POU4F3: variants seen among roughly 807,000 people sequenced by gnomAD.
POU4F3 encodes the protein POU class 4 homeobox 3, also known as POU domain, class 4, transcription factor 3.
In POU4F3, 7 loss-of-function variants were observed where a neutral mutation model predicts 22.0. The ratio of observed to expected loss-of-function variants is 0.32; its 90% confidence interval spans 0.18 to 0.60. The LOEUF (loss-of-function observed/expected upper bound fraction) is 0.60. Among genes scored for constraint, POU4F3 ranks in the 20% least tolerant of loss-of-function variants. The pLI is 0.85. For synonymous variants in POU4F3, 220 were observed against 194.5 expected, an observed-to-expected ratio of 1.13 and a Z score of -1.09; for missense variants, 457 against 467.4, an observed-to-expected ratio of 0.98 and a Z score of 0.21.
Position 146,339,967 on chromosome 5 carries a change from G to T in POU4F3, c.540G>T (p.Val180=). The change falls in exon 2 of 2, where the codon GTG becomes GTT. Residue 180 remains valine (V), a synonymous_variant. Coordinates refer to ENST00000646991, the MANE Select transcript of POU4F3 (RefSeq NM_002700.3). This position sits in a 1 kb window ranked among gnomAD's most constrained non-coding sequence, Gnocchi z 4.7. ...CCATGCCTGCATGCCTCAGCGACGTGGAGTCAGACCCGCGCGAGCTGGAAG... is the reference window on the plus strand; with the variant it reads ...CCATGCCTGCATGCCTCAGCGACGTTGAGTCAGACCCGCGCGAGCTGGAAG... ...HSAMPACLSD[V]ESDPRELEAF... is the part of the protein sequence containing the mutation. The T allele has an allele frequency of 6.2e-7, 1 of 1,612,170 alleles. No individual in the cohort carries two copies.
In POU4F3 at chr5:146,339,810, G is replaced by C. The variant is rs774771877; in HGVS notation, c.383G>C (p.Ser128Thr). 10 of 1,610,516 alleles carry C rather than the reference G, an allele frequency of 6.2e-6. No individual in the cohort carries two copies. Among genetic ancestry groups the C allele is most frequent in the Non-Finnish European group, 8.5e-6 (10 of 1,179,906 alleles). ...DLLEHISPTL[S>T]VSGLGAPEHS... ...CTGGAGCACATCTCGCCCACGCTGA[G>C]TGTGAGCGGCCTGGGCGCTCCGGAA... The change falls in exon 2 of 2, where the codon AGT (serine) becomes ACT (threonine). Residue 128 changes from serine (S) to threonine (T), a missense_variant. This residue lies in a region of POU4F3 where 410 missense variants were observed against 385.0 expected (regional missense o/e 1.06). Coordinates refer to ENST00000646991, the MANE Select transcript of POU4F3 (RefSeq NM_002700.3). This position sits in a 1 kb window ranked among gnomAD's most constrained non-coding sequence, Gnocchi z 4.7.
Position 146,339,386 on chromosome 5 carries a change from A to G in POU4F3, c.120+154A>G. 4 of 1,485,290 alleles carry G rather than the reference A, an allele frequency of 2.7e-6. No individual in the cohort carries two copies. The highest frequency in any genetic ancestry group is 3.7e-6 in the Non-Finnish European group (4 of 1,077,834). The allele number at this position is 1,485,290 out of a possible 1,614,324, so 92.0% of individuals were successfully genotyped here. A position where few individuals can be genotyped will look rare whatever the true frequency, so the allele number is the denominator to read the frequency against. On this transcript the variant is annotated intron_variant, in intron 1 of 1. Transcript: ENST00000646991. This position sits in a 1 kb window ranked among gnomAD's most constrained non-coding sequence, Gnocchi z 4.7. ...TCCCGGCGCGCTCTCTCTCTCATTC[A>G]TGTCTCTGATCCACACGTCTGTTCC...
In POU4F3 at chr5:146,340,307, G is replaced by T. The variant is rs780118840; in HGVS notation, c.880G>T (p.Ala294Ser). The stretch of plus-strand genomic sequence containing the variant: ...GAAGCGTTCACTCGAGGCCTATTTC[G>T]CTATCCAGCCACGTCCTTCATCTGA... ...PEKRSLEAYF[A>S]IQPRPSSEKI... Residue 294 changes from alanine (A) to serine (S), a missense_variant, in exon 2 of 2, where the codon GCT becomes TCT. Around this residue, in one of 2 missense-constraint regions of POU4F3, gnomAD observed 47 missense variants for 82.4 expected, o/e 0.57. Transcript: ENST00000646991. 13 of 1,614,210 alleles carry T rather than the reference G, an allele frequency of 8.1e-6. No homozygotes were observed. The South Asian group carries it at 9.9e-5, about 12-fold the overall frequency.
chr5:146,339,940 C>T lies in POU4F3; in HGVS notation c.513C>T (p.Ser171=), dbSNP rs148985828. 22 of 1,610,704 alleles carry T rather than the reference C, an allele frequency of 1.4e-5. No homozygotes were observed. In the South Asian group the frequency reaches 2.1e-4, roughly 15 times the overall value. ...MSHPHTVAPH[S]AMPACLSDVE... ...ACCCGCACACCGTGGCCCCTCATAG[C>T]GCCATGCCTGCATGCCTCAGCGACG... is the stretch of plus-strand genomic sequence containing the variant. The change falls in exon 2 of 2, where the codon AGC becomes AGT. Residue 171 remains serine, a synonymous_variant. Coordinates refer to ENST00000646991, the MANE Select transcript of POU4F3 (RefSeq NM_002700.3). The surrounding 1 kb of genome is among the most constrained non-coding windows in gnomAD (Gnocchi z 4.7).
At position 146,341,263 on chromosome 5, in the gene POU4F3, A is replaced by C. The variant is rs6872734; in HGVS notation, c.*819A>C. The C allele has an allele frequency of 0.29, 44,076 of 152,038 alleles. 7,548 individuals carry two copies. Among genetic ancestry groups the C allele is most frequent in the African/African-American group, 0.48 (19,922 of 41,394 alleles). 9.4% of individuals were successfully genotyped at this position (152,038 alleles called of 1,614,324 possible). On this transcript the variant is annotated 3_prime_UTR_variant, in exon 2 of 2. Coordinates refer to ENST00000646991, the MANE Select transcript of POU4F3 (RefSeq NM_002700.3). ...AGAGCGGGAGTTTGTAGTATTCATA[A>C]CCGTTGAGGACTCTCTGACCCCAGC...
In POU4F3 at chr5:146,339,127, C is replaced by T. The variant is rs775569772; in HGVS notation, c.15C>T (p.Asn5=). The change falls in exon 1 of 2, where the codon AAC becomes AAT. Residue 5 remains asparagine, a synonymous_variant. Transcript: ENST00000646991. This position sits in a 1 kb window ranked among gnomAD's most constrained non-coding sequence, Gnocchi z 4.7. ...GGAGCGCGAAGATGATGGCCATGAA[C>T]TCCAAGCAGCCTTTCGGCATGCACC... is the stretch of plus-strand genomic sequence containing the variant. MMAM[N]SKQPFGMHPV... The T allele has an allele frequency of 3.7e-6, 6 of 1,614,074 alleles. No individual in the cohort carries two copies. The East Asian group carries it at 1.1e-4, about 30-fold the overall frequency.
rs1177858657 is a variant in POU4F3, at chr5:146,341,575, T to G, written c.*1131T>G. The G allele has an allele frequency of 2.6e-5, 4 of 152,232 alleles. No homozygotes were observed. The allele number at this position is 152,232 out of a possible 1,614,324, so 9.4% of individuals were successfully genotyped here. On this transcript the variant is annotated 3_prime_UTR_variant, in exon 2 of 2. Transcript: ENST00000646991. ...TCACCCTGCCCCTCTAGCCCAAATT[T>G]TATTTTATTTTTTCGTTGTTTCATG...
Position 146,339,657 on chromosome 5 carries a change from A to G in POU4F3, c.230A>G (p.Asp77Gly), listed in dbSNP as rs138310635. 7.6e-5 allele frequency: 123 copies of G among 1,614,134 alleles called. No homozygotes were observed. The African/African-American group carries it at 1.5e-3, about 19-fold the overall frequency. ...GGCAAGAACCATCCGTTCAAGCCCG[A>G]CGCCACCTACCATACCATGAGCAGC... is the stretch of plus-strand genomic sequence containing the variant. ...SHGKNHPFKP[D>G]ATYHTMSSVP... Residue 77 changes from aspartate to glycine, a missense_variant, in exon 2 of 2, where the codon GAC (aspartate) becomes GGC (glycine). Asp to Gly is a moderately conservative substitution (Grantham distance 94). Around this residue, in one of 2 missense-constraint regions of POU4F3, gnomAD observed 410 missense variants for 385.0 expected, o/e 1.06. Transcript: ENST00000646991. This position sits in a 1 kb window ranked among gnomAD's most constrained non-coding sequence, Gnocchi z 4.7.
In POU4F3 at chr5:146,341,068, G is replaced by C. The variant is rs1561591055; in HGVS notation, c.*624G>C. 1.3e-5 allele frequency: 2 copies of C among 153,558 alleles called. No homozygotes were observed. The highest frequency in any genetic ancestry group is 4.1e-4 in the South Asian group (2 of 4,876). 9.5% of individuals were successfully genotyped at this position (153,558 alleles called of 1,614,324 possible). Reference sequence around the variant, plus strand: ...TCAGGGAAAGTATGCAGGGAGTTGCGGGCTCCAAGTTGCCATTTTTTCGTG... The same window carrying C: ...TCAGGGAAAGTATGCAGGGAGTTGCCGGCTCCAAGTTGCCATTTTTTCGTG... On this transcript the variant is annotated 3_prime_UTR_variant, in exon 2 of 2. Transcript: ENST00000646991.
chr5:146,339,992 G>A lies in POU4F3; in HGVS notation c.565G>A (p.Ala189Thr). 6.2e-7 allele frequency: 1 copy of A among 1,613,124 alleles called. No individual in the cohort carries two copies. ...GGAGTCAGACCCGCGCGAGCTGGAAGCCTTCGCCGAGCGCTTCAAGCAGCG... is the reference window on the plus strand; with the variant it reads ...GGAGTCAGACCCGCGCGAGCTGGAAACCTTCGCCGAGCGCTTCAAGCAGCG... ...DVESDPRELE[A>T]FAERFKQRRI... is the part of the protein sequence containing the mutation. The change falls in exon 2 of 2, where the codon GCC (alanine) becomes ACC (threonine). Residue 189 changes from alanine to threonine, a missense_variant. Transcript: ENST00000646991. This position sits in a 1 kb window ranked among gnomAD's most constrained non-coding sequence, Gnocchi z 4.7.
In POU4F3 at chr5:146,339,710, G is replaced by T; in HGVS notation, c.283G>T (p.Val95Leu). Residue 95 changes from valine to leucine, a missense_variant, in exon 2 of 2, where the codon GTG (valine) becomes TTG (leucine). By Grantham distance (32) the Val-to-Leu change is conservative (BLOSUM62 1). Transcript: ENST00000646991. The surrounding 1 kb of genome is among the most constrained non-coding windows in gnomAD (Gnocchi z 4.7). ...GCCCTGCACGTCCACTTCGTCCACCGTGCCCATCTCCCACCCAGCTGCGCT... is the reference window on the plus strand; with the variant it reads ...GCCCTGCACGTCCACTTCGTCCACCTTGCCCATCTCCCACCCAGCTGCGCT... ...SVPCTSTSST[V>L]PISHPAALTS... 8.1e-6 allele frequency: 13 copies of T among 1,614,098 alleles called. No individual in the cohort carries two copies. The highest frequency in any genetic ancestry group is 1.1e-5 in the Non-Finnish European group (13 of 1,180,032).
At position 146,340,154 on chromosome 5, in the gene POU4F3, G is replaced by A; in HGVS notation, c.727G>A (p.Ala243Thr). 6.2e-7 allele frequency: 1 copy of A among 1,614,122 alleles called. No homozygotes were observed. Among genetic ancestry groups the A allele is most frequent in the Non-Finnish European group, 8.5e-7 (1 of 1,180,040 alleles). The change falls in exon 2 of 2, where the codon GCT (alanine) becomes ACT (threonine). Residue 243 changes from alanine to threonine, a missense_variant. Ala to Thr is a moderately conservative substitution (Grantham distance 58, BLOSUM62 0). Coordinates refer to ENST00000646991, the MANE Select transcript of POU4F3 (RefSeq NM_002700.3). ...CACTCTCTCGCACAACAACATGATCGCTCTCAAGCCGGTGCTCCAGGCCTG... is the reference window on the plus strand; with the variant it reads ...CACTCTCTCGCACAACAACATGATCACTCTCAAGCCGGTGCTCCAGGCCTG... ...SLTLSHNNMI[A>T]LKPVLQAWLE...
rs1760431346 is a variant in POU4F3, at chr5:146,340,109, A to G, written c.682A>G (p.Ile228Val). 1.5e-5 allele frequency: 25 copies of G among 1,614,174 alleles called. No homozygotes were observed. The highest frequency in any genetic ancestry group is 1.9e-5 in the Non-Finnish European group (23 of 1,180,042). The change falls in exon 2 of 2, where the codon ATC (isoleucine) becomes GTC (valine). Residue 228 changes from isoleucine to valine, a missense_variant. Coordinates refer to ENST00000646991, the MANE Select transcript of POU4F3 (RefSeq NM_002700.3). Reference protein sequence around the residue: ...PGVGSLSQSTICRFESLTLSH... With the variant: ...PGVGSLSQSTVCRFESLTLSH... ...CGTGGGCTCGCTGAGCCAAAGCACC[A>G]TCTGCAGGTTCGAGTCTCTCACTCT...
Position 146,339,342 on chromosome 5 carries a change from T to C in POU4F3, c.120+110T>C. On this transcript the variant is annotated intron_variant, in intron 1 of 1. Coordinates refer to ENST00000646991, the MANE Select transcript of POU4F3 (RefSeq NM_002700.3). This position sits in a 1 kb window ranked among gnomAD's most constrained non-coding sequence, Gnocchi z 4.7. The stretch of plus-strand genomic sequence containing the variant: ...ATCGCCGCTGTCTGAACCCCTCTCC[T>C]TGTCTCCCCCGCGTTCTCTCCCGGC... The C allele has an allele frequency of 6.4e-7, 1 of 1,562,522 alleles. No homozygotes were observed. The highest frequency in any genetic ancestry group is 8.8e-7 in the Non-Finnish European group (1 of 1,139,044).
chr5:146,339,808 G>T lies in POU4F3; in HGVS notation c.381G>T (p.Leu127=). The T allele has an allele frequency of 6.2e-7, 1 of 1,610,702 alleles. No homozygotes were observed. The part of the protein sequence containing the change: ...GDLLEHISPT[L]SVSGLGAPEH... ...TGCTGGAGCACATCTCGCCCACGCT[G>T]AGTGTGAGCGGCCTGGGCGCTCCGG... is the stretch of plus-strand genomic sequence containing the variant. The change falls in exon 2 of 2, where the codon CTG becomes CTT. Residue 127 remains leucine, a synonymous_variant. Transcript: ENST00000646991. The surrounding 1 kb of genome is among the most constrained non-coding windows in gnomAD (Gnocchi z 4.7).
rs1000371396 is a variant in POU4F3 at position 146,340,777 on chromosome 5, C to T, written c.*333C>T. 7.9e-5 allele frequency: 33 copies of T among 419,164 alleles called. No homozygotes were observed. The highest frequency in any genetic ancestry group is 5.4e-4 in the African/African-American group (27 of 49,816). 26.0% of individuals were successfully genotyped at this position (419,164 alleles called of 1,614,324 possible). ...CCCAAAGCAGAGGACAGTCAATTGGCCCAACCGCCCGAAGCTAGGGTGAAA... is the reference window on the plus strand; with the variant it reads ...CCCAAAGCAGAGGACAGTCAATTGGTCCAACCGCCCGAAGCTAGGGTGAAA... On this transcript the variant is annotated 3_prime_UTR_variant, in exon 2 of 2. Transcript: ENST00000646991.
In POU4F3 at chr5:146,340,414, G is replaced by A. The variant is rs543894486; in HGVS notation, c.987G>A (p.Gln329=). 3.7e-6 allele frequency: 6 copies of A among 1,614,264 alleles called. No individual in the cohort carries two copies. In the Admixed American group the frequency reaches 5.0e-5, roughly 13 times the overall value. The change falls in exon 2 of 2, where the codon CAG becomes CAA. Residue 329 remains glutamine, a synonymous_variant. Transcript: ENST00000646991. ...GGTTCTGCAACCAGAGACAGAAACA[G>A]AAACGAATGAAGTATTCGGCTGTCC... ...RVWFCNQRQK[Q]KRMKYSAVH is the part of the protein sequence containing the mutation.
At position 146,339,929 on chromosome 5, in the gene POU4F3, G is replaced by A; in HGVS notation, c.502G>A (p.Ala168Thr). ...AMGMSHPHTVAPHSAMPACLS... is the reference protein window; with the variant it reads ...AMGMSHPHTVTPHSAMPACLS... ...GGGCATGAGTCACCCGCACACCGTG[G>A]CCCCTCATAGCGCCATGCCTGCATG... The change falls in exon 2 of 2, where the codon GCC becomes ACC. Residue 168 changes from alanine (A) to threonine (T), a missense_variant. Physicochemically the swap from Ala to Thr is moderately conservative, Grantham distance 58. Around this residue, in one of 2 missense-constraint regions of POU4F3, gnomAD observed 410 missense variants for 385.0 expected, o/e 1.06. Transcript: ENST00000646991. The surrounding 1 kb of genome is among the most constrained non-coding windows in gnomAD (Gnocchi z 4.7). 1 of 1,610,168 alleles carries A rather than the reference G, an allele frequency of 6.2e-7. No homozygotes were observed. Among genetic ancestry groups the A allele is most frequent in the Non-Finnish European group, 8.5e-7 (1 of 1,179,942 alleles).
Sources: gnomAD v4.1 joint callset for allele counts on GRCh38, gnomAD v4.1.1 for gene constraint, gnomAD v4.1.1 regional missense constraint, Gnocchi (gnomAD v3.1) non-coding constraint, MANE v1.5 for transcripts, NCBI Gene and HGNC (gene_info 2026-07-23, HGNC 2026-07-21) for gene names.